KIF26B: variants seen among roughly 807,000 people sequenced by gnomAD.
KIF26B encodes the protein kinesin family member 26B.
A neutral mutation model predicts 151.2 loss-of-function variants in KIF26B; 63 were observed. The observed-to-expected ratio is 0.42, with a 90% CI of 0.34 to 0.51. The LOEUF is 0.51. Among genes scored for constraint, KIF26B ranks in the 20% least tolerant of loss-of-function variants. The probability of loss-of-function intolerance (pLI) is 0.07; values close to 1 mark genes in which losing one functional copy is unlikely to be tolerated. For missense variants in KIF26B, 2,813 were observed against 2,913.6 expected, an observed-to-expected ratio of 0.97 and a Z score of 0.79; for synonymous variants, 1,357 against 1,262.1, an observed-to-expected ratio of 1.08 and a Z score of -1.59.
At chr1:245,628,534 G>A (rs1203575678) in intron 9 of KIF26B, among the ~76,000 whole-genome samples, 2 of 152,178 alleles carry the variant, frequency 1.3e-5, no homozygotes, top group East Asian at 3.8e-4. Context: ...CTCAATAGAT[G>A]CAGAAAAGGC....
chr1:245,354,534 G>A (rs998157179), intron 2 of KIF26B, among the ~76,000 whole-genome samples: 5 of 152,230 alleles, frequency 3.3e-5, no homozygotes, highest in African/African-American at 1.2e-4. Flanking sequence ...ACAAGGAAGG[G>A]CAATGTCCTG....
intron 4 of KIF26B, among the ~76,000 whole-genome samples, chr1:245,434,448 T>G (rs1240474591): frequency 2.6e-5 from 4 of 152,302 alleles, no homozygotes; most frequent in African/African-American, 4.8e-5. Context: ...TCACTCACCA[T>G]TCTCTCCAAG....
intron 2 of KIF26B, among the ~76,000 whole-genome samples, chr1:245,363,411 G>A (rs1672867624): frequency 6.6e-6 from 1 of 151,940 alleles, no homozygotes; most frequent in African/African-American, 2.4e-5. Flanking sequence ...GGGCAGGCTG[G>A]TCTCGGACTC....
intron 4 of KIF26B, among the ~76,000 whole-genome samples, chr1:245,486,774 C>T (rs774736503): frequency 1.3e-5 from 2 of 152,128 alleles, no homozygotes; most frequent in Non-Finnish European, 2.9e-5. Flanking sequence ...AGGCTCAAGC[C>T]ATCCTCTCGC....
At chr1:245,410,513 A>G (rs978168848) in intron 3 of KIF26B, among the ~76,000 whole-genome samples, 9 of 152,096 alleles carry the variant, frequency 5.9e-5, no homozygotes, top group African/African-American at 2.2e-4. Context: ...CAGTGGCACA[A>G]TCATAGCTCA....
chr1:245,384,167 G>A (rs924586059), intron 3 of KIF26B, among the ~76,000 whole-genome samples: 1 of 152,102 alleles, frequency 6.6e-6, no homozygotes, highest in African/African-American at 2.4e-5. Context: ...AGTGTGCTCC[G>A]GCTTTACGAG....
chr1:245,616,125 A>C (rs2043587828), intron 9 of KIF26B, among the ~76,000 whole-genome samples: 1 of 152,216 alleles, frequency 6.6e-6, no homozygotes, highest in Admixed American at 6.5e-5. Context: ...TTTACACACA[A>C]ATGCATTTTA....
intron 2 of KIF26B, among the ~76,000 whole-genome samples, chr1:245,234,662 G>A (rs1206351941): frequency 1.3e-5 from 2 of 152,222 alleles, no homozygotes; most frequent in Non-Finnish European, 2.9e-5. Context: ...CAGTCTGCAG[G>A]TGGAAGTTCT....
At chr1:245,480,494 A>T (rs928436577) in intron 4 of KIF26B, among the ~76,000 whole-genome samples, 1 of 151,756 alleles carries the variant, frequency 6.6e-6, no homozygotes, top group Non-Finnish European at 1.5e-5. Flanking sequence ...GGGTTTCTGC[A>T]TTCAGTGACA....
intron 2 of KIF26B, among the ~76,000 whole-genome samples, chr1:245,354,959 C>A (rs559915828): frequency 6.6e-6 from 1 of 152,304 alleles, no homozygotes; most frequent in African/African-American, 2.4e-5. Context: ...CTCGCTCTGT[C>A]ACCCAGGCTA....
At chr1:245,425,083 C>A (rs545857848) in intron 4 of KIF26B, among the ~76,000 whole-genome samples, 1 of 145,520 alleles carries the variant, frequency 6.9e-6, no homozygotes, top group African/African-American at 2.5e-5. Context: ...TTTTTTTTTG[C>A]ATGATTTTCA....
At chr1:245,652,758 A>G (rs977897540) in intron 10 of KIF26B, among the ~76,000 whole-genome samples, 9 of 152,150 alleles carry the variant, frequency 5.9e-5, no homozygotes, top group Admixed American at 5.9e-4. Context: ...AGAGGACCAC[A>G]TTCTGGCCCC....
In KIF26B at chr1:245,167,815, A is replaced by T. The variant is rs1303891324; in HGVS notation, c.465+11132A>T. On this transcript the variant is annotated intron_variant, in intron 2 of 14. Transcript: ENST00000407071. This position sits in a 1 kb window ranked among gnomAD's most constrained non-coding sequence, Gnocchi z 4.2. The stretch of plus-strand genomic sequence containing the variant: ...CTTTACCAAGACAGGCAGCGTGGTG[A>T]TGGGGGCTGAGGGATAGATGGGAGG... Among the ~76,000 whole-genome samples, 1 of 152,006 alleles carries T rather than the reference A, an allele frequency of 6.6e-6. No homozygotes were observed. The highest frequency in any genetic ancestry group is 2.1e-4 in the South Asian group (1 of 4,810).
chr1:245,409,687 G>A (rs1420811643), intron 3 of KIF26B, among the ~76,000 whole-genome samples: 1 of 152,174 alleles, frequency 6.6e-6, no homozygotes, highest in Non-Finnish European at 1.5e-5. Flanking sequence ...CCAGCCCTGG[G>A]ACATAAGAAT....
intron 9 of KIF26B, among the ~76,000 whole-genome samples, chr1:245,632,357 C>T (rs558422013): frequency 5.3e-5 from 8 of 152,166 alleles, no homozygotes; most frequent in Non-Finnish European, 7.4e-5. Context: ...TTATTGATTT[C>T]GTTTTACTGA....
intron 3 of KIF26B, among the ~76,000 whole-genome samples, chr1:245,410,701 C>T (rs1069235): frequency 0.61 from 92,599 of 152,124 alleles, 29,038 homozygotes; most frequent in African/African-American, 0.76. Flanking sequence ...CTGTCTGCCT[C>T]GGCCCCCCAA....
chr1:245,424,374 C>T (rs1658572465), intron 4 of KIF26B, among the ~76,000 whole-genome samples: 1 of 152,196 alleles, frequency 6.6e-6, no homozygotes, highest in Admixed American at 6.5e-5. Context: ...TCTTGAACTC[C>T]TGACCTCAAG....
chr1:245,473,919 G>A (rs938774461), intron 4 of KIF26B, among the ~76,000 whole-genome samples: 1 of 151,762 alleles, frequency 6.6e-6, no homozygotes, highest in South Asian at 2.1e-4. Context: ...TATTTTGGGG[G>A]TGCATGTGAT....
intron 4 of KIF26B, among the ~76,000 whole-genome samples, chr1:245,493,889 G>T (rs986514797): frequency 6.6e-6 from 1 of 152,170 alleles, no homozygotes; most frequent in East Asian, 1.9e-4. Flanking sequence ...AAGTGAACTG[G>T]ATACTCCAGT....
Sources: gnomAD v4.1 joint callset for allele counts (sites outside exome capture counted in the v4.1 genomes callset) on GRCh38, gnomAD v4.1.1 for gene constraint, Gnocchi (gnomAD v3.1) non-coding constraint, MANE v1.5 for transcripts, NCBI Gene and HGNC (gene_info 2026-07-23, HGNC 2026-07-21) for gene names.